Variants in MYOCD observed in about 807,000 individuals in gnomAD.
The protein encoded by MYOCD is myocardin.
MYOCD carries 32 observed loss-of-function variants against 96.1 expected under a neutral mutation model. That is an observed-to-expected ratio of 0.33 (90% CI 0.25 to 0.45). The LOEUF (loss-of-function observed/expected upper bound fraction) is 0.45. Ranked by LOEUF, MYOCD falls within the 20% of genes least tolerant of loss-of-function variation. MYOCD has a pLI of 1.00. For missense variants in MYOCD, 1,133 were observed against 1,200.6 expected, an observed-to-expected ratio of 0.94 and a Z score of 0.83; for synonymous variants, 469 against 469.0, an observed-to-expected ratio of 1.00 and a Z score of 0.00.
intron 7 of MYOCD, among the ~76,000 whole-genome samples, chr17:12,741,073 G>A (rs894992468): frequency 1.3e-5 from 2 of 152,114 alleles, no homozygotes; most frequent in African/African-American, 2.4e-5. Context: ...TTGGGAACAC[G>A]TTTTCTCAGC....
chr17:12,736,773 C>T (rs1195125147), intron 6 of MYOCD, among the ~76,000 whole-genome samples: 1 of 152,136 alleles, frequency 6.6e-6, no homozygotes, highest in African/African-American at 2.4e-5. Flanking sequence ...GAGAAGGAAA[C>T]GCTGGCTCTC....
chr17:12,752,601 C>T lies in MYOCD; in HGVS notation c.1313C>T (p.Ser438Phe), dbSNP rs776819203. 3 of 1,614,168 alleles carry T rather than the reference C, an allele frequency of 1.9e-6. No individual in the cohort carries two copies. The highest frequency in any genetic ancestry group is 1.7e-6 in the Non-Finnish European group (2 of 1,180,030). Reference protein sequence around the residue: ...NTLPNYQSSSSTSALSNGFYH... With the variant: ...NTLPNYQSSSFTSALSNGFYH... ...CTGCCCAATTACCAGTCTTCCTCTT[C>T]TACCAGTGCCCTGTCCAACGGCTTC... Residue 438 changes from serine to phenylalanine, a missense_variant, in exon 10 of 14, where the codon TCT becomes TTT. By Grantham distance (155) the Ser-to-Phe change is radical. Coordinates refer to ENST00000425538, the MANE Select transcript of MYOCD (RefSeq NM_001146312.3).
chr17:12,706,304 G>A (rs1427961622), intron 2 of MYOCD, among the ~76,000 whole-genome samples: 3 of 152,222 alleles, frequency 2.0e-5, no homozygotes, highest in African/African-American at 4.8e-5. Flanking sequence ...TTTAAACAAC[G>A]TTGACAACTA....
rs73286398 is a variant in MYOCD, at chr17:12,764,233, A to G, written c.*589A>G. On this transcript the variant is annotated 3_prime_UTR_variant, in exon 14 of 14. Coordinates refer to ENST00000425538, the MANE Select transcript of MYOCD (RefSeq NM_001146312.3). Reference sequence around the variant, plus strand: ...TAATCAACTCTCTTTTCCCTCTACCACAAAACTGCCCTGCTGGAGTGGTTC... The same window carrying G: ...TAATCAACTCTCTTTTCCCTCTACCGCAAAACTGCCCTGCTGGAGTGGTTC... 0.01 allele frequency: 1,598 copies of G among 152,454 alleles called. 31 individuals are homozygous for G. The highest frequency in any genetic ancestry group is 0.037 in the African/African-American group (1,525 of 41,552). 9.4% of individuals were successfully genotyped at this position (152,454 alleles called of 1,614,324 possible).
Position 12,755,983 on chromosome 17 carries a change from G to A in MYOCD, c.2059-431G>A, listed in dbSNP as rs777433028. On this transcript the variant is annotated intron_variant, in intron 10 of 13. Transcript: ENST00000425538. ...GGGAGGGACAGATTGATTAGAAAGGGCTGGAAAGGTCCAGGAAGCTTTCAT... is the reference window on the plus strand; with the variant it reads ...GGGAGGGACAGATTGATTAGAAAGGACTGGAAAGGTCCAGGAAGCTTTCAT... Among the ~76,000 whole-genome samples, 3 of 152,170 alleles carry A rather than the reference G, an allele frequency of 2.0e-5. No homozygotes were observed. In the East Asian group the frequency reaches 5.8e-4, roughly 29 times the overall value.
chr17:12,698,977 C>T (rs2030923573), intron 1 of MYOCD, among the ~76,000 whole-genome samples: 1 of 151,856 alleles, frequency 6.6e-6, no homozygotes, highest in Admixed American at 6.6e-5. Flanking sequence ...CTCCTGACCT[C>T]ATGATCTGCC....
intron 2 of MYOCD, chr17:12,706,253 G>C (rs943085098): frequency 3.3e-5 from 5 of 152,160 alleles, no homozygotes; most frequent in Non-Finnish European, 7.3e-5. Flanking sequence ...AGAGGTTTGT[G>C]AAGTACAAAA....
intron 1 of MYOCD, among the ~76,000 whole-genome samples, chr17:12,693,571 T>C (rs2030574414): frequency 6.6e-6 from 1 of 150,820 alleles, no homozygotes; most frequent in South Asian, 2.1e-4. Context: ...GATTGTGCCA[T>C]TGCATTCCAG....
chr17:12,688,422 G>GT (rs1368961005), intron 1 of MYOCD, among the ~76,000 whole-genome samples: 1 of 152,144 alleles, frequency 6.6e-6, no homozygotes, highest in African/African-American at 2.4e-5. Context: ...AAAATGTTTA[G>GT]TTTTTTCCTT....
chr17:12,734,241 T>C (rs2032270214), intron 5 of MYOCD, among the ~76,000 whole-genome samples: 1 of 152,126 alleles, frequency 6.6e-6, no homozygotes, highest in African/African-American at 2.4e-5. Context: ...GCATTTAGAC[T>C]GAAGGAAGTG....
At chr17:12,682,141 C>T (rs139983978) in intron 1 of MYOCD, among the ~76,000 whole-genome samples, 33 of 152,252 alleles carry the variant, frequency 2.2e-4, no homozygotes, top group East Asian at 1.5e-3. Context: ...TTCTCTTTAC[C>T]GGGAAATTCG....
intron 1 of MYOCD, among the ~76,000 whole-genome samples, chr17:12,677,373 C>G (rs921257141): frequency 3.0e-4 from 46 of 152,144 alleles, no homozygotes; most frequent in African/African-American, 1.0e-3. Context: ...ACCTGGGTAA[C>G]AAACCTGCAC....
chr17:12,744,065 T>C, intron 7 of MYOCD, 118 bp from the exon 8 acceptor site: 1 of 1,236,680 alleles, frequency 8.1e-7, no homozygotes, highest in South Asian at 1.5e-5. Context: ...TTTGCTATAT[T>C]ATATTTCTGA....
chr17:12,678,534 CAA>C (rs1910241943), intron 1 of MYOCD, among the ~76,000 whole-genome samples: 1 of 151,216 alleles, frequency 6.6e-6, no homozygotes, highest in African/African-American at 2.4e-5. Context: ...AATATAAAAC[CAA>C]AGAGAGAGAG....
Position 12,763,662 on chromosome 17 carries a change from T to G in MYOCD, c.*18T>G. The stretch of plus-strand genomic sequence containing the variant: ...AGTGGTAGAATGCCCAATGCACCAG[T>G]GCTATGGAAGACCAATGGAGTTCCA... On this transcript the variant is annotated 3_prime_UTR_variant, in exon 14 of 14. Coordinates refer to ENST00000425538, the MANE Select transcript of MYOCD (RefSeq NM_001146312.3). The G allele has an allele frequency of 6.3e-7, 1 of 1,588,220 alleles. No homozygotes were observed. The highest frequency in any genetic ancestry group is 8.6e-7 in the Non-Finnish European group (1 of 1,165,354).
At chr17:12,754,048 G>A (rs1366177857) in intron 10 of MYOCD, among the ~76,000 whole-genome samples, 1 of 141,998 alleles carries the variant, frequency 7.0e-6, no homozygotes, top group African/African-American at 2.6e-5. Flanking sequence ...ATCTTATGGA[G>A]AAAAAGCAAA....
At position 12,718,316 on chromosome 17, in the gene MYOCD, C is replaced by T. The variant is rs768665483; in HGVS notation, c.253+895C>T. Reference sequence around the variant, plus strand: ...GAAGAGGATCAAAGAAAAGAGCCATCGGAATCAGAATGGACAGGGGAGGAG... The same window carrying T: ...GAAGAGGATCAAAGAAAAGAGCCATTGGAATCAGAATGGACAGGGGAGGAG... On this transcript the variant is annotated intron_variant, in intron 4 of 13. Coordinates refer to ENST00000425538, the MANE Select transcript of MYOCD (RefSeq NM_001146312.3). Among the ~76,000 whole-genome samples, 12 of 152,050 alleles carry T rather than the reference C, an allele frequency of 7.9e-5. No homozygotes were observed. In the East Asian group the frequency reaches 1.9e-3, roughly 25 times the overall value.
At position 12,695,942 on chromosome 17, in the gene MYOCD, T is replaced by C. The variant is rs151323767; in HGVS notation, c.56-9186T>C. 8.6e-5 allele frequency among the ~76,000 whole-genome samples: 13 copies of C among 151,724 alleles called. No individual in the cohort carries two copies. The East Asian group carries it at 2.5e-3, about 30-fold the overall frequency. The stretch of plus-strand genomic sequence containing the variant: ...CTTATATAAGTGGATTCATATAGTG[T>C]TTCTACTTTTGTAATTGGCTTATCT... On this transcript the variant is annotated intron_variant, in intron 1 of 13. Transcript: ENST00000425538.
Position 12,666,006 on chromosome 17 carries a change from G to T in MYOCD, c.-183G>T. ...TAAGAGTTAATTAGCCCCGCACGGCGAGGGGGGAGGCGCCAGTTTTCTGGG... is the reference window on the plus strand; with the variant it reads ...TAAGAGTTAATTAGCCCCGCACGGCTAGGGGGGAGGCGCCAGTTTTCTGGG... On this transcript the variant is annotated 5_prime_UTR_variant, in exon 1 of 14. Coordinates refer to ENST00000425538, the MANE Select transcript of MYOCD (RefSeq NM_001146312.3). 1 of 553,910 alleles carries T rather than the reference G, an allele frequency of 1.8e-6. No individual in the cohort carries two copies. Among genetic ancestry groups the T allele is most frequent in the Non-Finnish European group, 3.2e-6 (1 of 310,982 alleles). The allele number at this position is 553,910 out of a possible 1,614,324, so 34.3% of individuals were successfully genotyped here. A position where few individuals can be genotyped will look rare whatever the true frequency, so the allele number is the denominator to read the frequency against.
Sources: gnomAD v4.1 joint callset for allele counts (sites outside exome capture counted in the v4.1 genomes callset) on GRCh38, gnomAD v4.1.1 for gene constraint, MANE v1.5 for transcripts, NCBI Gene and HGNC (gene_info 2026-07-23, HGNC 2026-07-21) for gene names.